INTS14: variants seen among roughly 807,000 people sequenced by gnomAD.
The protein encoded by INTS14 is UPF0464 protein C15orf44.
A neutral mutation model predicts 56.9 loss-of-function variants in INTS14; 27 were observed. The observed-to-expected ratio is 0.47, with a 90% confidence interval of 0.35 to 0.65. The LOEUF (loss-of-function observed/expected upper bound fraction) is 0.65. INTS14 is among the 30% of genes least tolerant of loss of function. The pLI is 0.00. For synonymous variants in INTS14, 207 were observed against 236.2 expected (o/e 0.88, Z 1.13); for missense variants, 517 against 632.2 (o/e 0.82, Z 1.95).
intron 7 of INTS14, 78 bp from the exon 8 acceptor site, chr15:65,593,650 TTC>T: frequency 6.6e-7 from 1 of 1,520,876 alleles, no homozygotes; most frequent in South Asian, 1.3e-5. Flanking sequence ...TCTTGGATGT[TTC>T]TAGCCTTTAA....
intron 11 of INTS14, 49 bp from the exon 12 acceptor site, chr15:65,579,708 A>G (rs369438392): frequency 8.9e-5 from 140 of 1,581,514 alleles, no homozygotes; most frequent in Middle Eastern, 5.0e-4. Flanking sequence ...TGTTCCTAAC[A>G]CATACTTTCT....
chr15:65,597,671 T>C (rs1400211502), intron 6 of INTS14, among the ~76,000 whole-genome samples: 1 of 152,170 alleles, frequency 6.6e-6, no homozygotes, highest in Non-Finnish European at 1.5e-5. Context: ...CAATAAGAAC[T>C]AGAGGAAGAC....
Position 65,579,602 on chromosome 15 carries a change from C to T in INTS14, c.1363G>A (p.Gly455Arg), listed in dbSNP as rs751792029. ...TCCCTTTCCAGCATGTCAGCCACCC[C>T]TTTCAGCAGGTCCAGGAAACCAAAG... ...LAFGFLDLLK[G>R]VADMLERECT... The change falls in exon 12 of 12, where the codon GGG (glycine) becomes AGG (arginine). Residue 455 changes from glycine to arginine, a missense_variant. Gly to Arg is a moderately radical substitution (Grantham distance 125, BLOSUM62 -2). Transcript: ENST00000313182. The T allele has an allele frequency of 6.2e-7, 1 of 1,614,192 alleles. No homozygotes were observed. Among genetic ancestry groups the T allele is most frequent in the Non-Finnish European group, 8.5e-7 (1 of 1,180,036 alleles).
At position 65,578,948 on chromosome 15, in the gene INTS14, A is replaced by AGTG. The variant is rs1283611966; in HGVS notation, c.*457_*459dup. ...AGTTCTAAGGAAAGTTCTGAAACTTAGTGGTGGTGTGTTTGTACTCAGCAA... is the reference window on the plus strand; with the variant it reads ...AGTTCTAAGGAAAGTTCTGAAACTTAGTGGTGGTGGTGTGTTTGTACTCAGCAA... On this transcript the variant is annotated 3_prime_UTR_variant, in exon 12 of 12. Transcript: ENST00000313182. 6.5e-6 allele frequency: 1 copy of AGTG among 153,416 alleles called. No homozygotes were observed. The highest frequency in any genetic ancestry group is 2.4e-5 in the African/African-American group (1 of 41,486). 9.5% of individuals were successfully genotyped at this position (153,416 alleles called of 1,614,324 possible).
chr15:65,604,470 C>A (rs2073567167), intron 3 of INTS14, among the ~76,000 whole-genome samples: 1 of 152,118 alleles, frequency 6.6e-6, no homozygotes, highest in African/African-American at 2.4e-5. Flanking sequence ...GTGGCTCACC[C>A]CTGTAATCCC....
chr15:65,599,835 A>T lies in INTS14; in HGVS notation c.425T>A (p.Phe142Tyr). Residue 142 changes from phenylalanine to tyrosine, a missense_variant, in exon 4 of 12, where the codon TTT (phenylalanine) becomes TAT (tyrosine). Phe to Tyr is a conservative substitution (Grantham distance 22). Transcript: ENST00000313182. ...AGATGGGAAAGGAAAAGGTAGTGGA[A>T]ACCTGTTGCTCTCACTTCGTTGATT... ...TQNQRSESNR[F>Y]PLPFPFPSKL... 6.2e-7 allele frequency: 1 copy of T among 1,614,230 alleles called. No individual in the cohort carries two copies. Among genetic ancestry groups the T allele is most frequent in the South Asian group, 1.1e-5 (1 of 91,090 alleles).
rs2073351215 is a variant in INTS14, at chr15:65,599,591, A to G, written c.486+183T>C. The stretch of plus-strand genomic sequence containing the variant: ...AGCTATGTTCCCCAGATGAGGCAAC[A>G]CTCTGAAATTTCAAAGAACATTTGA... On this transcript the variant is annotated intron_variant, in intron 4 of 11. Transcript: ENST00000313182. 8 of 622,190 alleles carry G rather than the reference A, an allele frequency of 1.3e-5. No homozygotes were observed. In the Admixed American group the frequency reaches 2.7e-4, roughly 21 times the overall value. The allele number at this position is 622,190 out of a possible 1,614,324, so 38.5% of individuals were successfully genotyped here.
intron 1 of INTS14, among the ~76,000 whole-genome samples, chr15:65,610,363 G>T (rs183328339): frequency 3.3e-5 from 5 of 151,600 alleles, no homozygotes; most frequent in African/African-American, 4.9e-5. Context: ...CGTCTTGGGT[G>T]GGGGGGAATC....
intron 4 of INTS14, 83 bp from the exon 5 acceptor site, chr15:65,599,073 C>A (rs188499073): frequency 5.8e-6 from 5 of 867,032 alleles, no homozygotes; most frequent in Admixed American, 5.1e-5. Context: ...AAAGCCATTA[C>A]GATAACATAG....
rs2072508581 is a variant in INTS14, at chr15:65,579,581, T to C, written c.1384A>G (p.Arg462Gly). 1 of 1,614,174 alleles carries C rather than the reference T, an allele frequency of 6.2e-7. No homozygotes were observed. The highest frequency in any genetic ancestry group is 8.5e-7 in the Non-Finnish European group (1 of 1,180,034). The change falls in exon 12 of 12, where the codon AGG becomes GGG. Residue 462 changes from arginine (R) to glycine (G), a missense_variant. Physicochemically the swap from Arg to Gly is moderately radical, Grantham distance 125. Transcript: ENST00000313182. ...GTCTCAGGCAGCAGTGTGCATTCCCTTTCCAGCATGTCAGCCACCCCTTTC... is the reference window on the plus strand; with the variant it reads ...GTCTCAGGCAGCAGTGTGCATTCCCCTTCCAGCATGTCAGCCACCCCTTTC... The part of the protein sequence containing the change: ...LLKGVADMLE[R>G]ECTLLPETAH...
At chr15:65,593,190 G>A (rs774623922) in intron 8 of INTS14, among the ~76,000 whole-genome samples, 2 of 151,994 alleles carry the variant, frequency 1.3e-5, no homozygotes, top group Non-Finnish European at 2.9e-5. Context: ...TTGAGCCTGG[G>A]AGGCTGAAGC....
chr15:65,596,957 GA>G (rs1434919821), intron 6 of INTS14, among the ~76,000 whole-genome samples: 2 of 152,194 alleles, frequency 1.3e-5, no homozygotes, highest in African/African-American at 4.8e-5. Flanking sequence ...TAAGCAGCTA[GA>G]TATTTTTCAT....
intron 6 of INTS14, among the ~76,000 whole-genome samples, chr15:65,598,045 T>C (rs756746288): frequency 6.6e-6 from 1 of 152,180 alleles, no homozygotes; most frequent in African/African-American, 2.4e-5. Flanking sequence ...TGCACGAAGC[T>C]GACACGAAGC....
At chr15:65,607,762 C>G (rs759921339) in intron 1 of INTS14, among the ~76,000 whole-genome samples, 14 of 152,264 alleles carry the variant, frequency 9.2e-5, no homozygotes, top group Non-Finnish European at 1.5e-4. Flanking sequence ...TCCCACATCT[C>G]CTAACACTTA....
Position 65,578,946 on chromosome 15 carries a change from TTAG to T in INTS14, c.*459_*461del, listed in dbSNP as rs1445399864. The stretch of plus-strand genomic sequence containing the variant: ...CAAGTTCTAAGGAAAGTTCTGAAAC[TTAG>T]TGGTGGTGTGTTTGTACTCAGCAAG... On this transcript the variant is annotated 3_prime_UTR_variant, in exon 12 of 12. Coordinates refer to ENST00000313182, the MANE Select transcript of INTS14 (RefSeq NM_001394796.1). 1 of 153,330 alleles carries T rather than the reference TTAG, an allele frequency of 6.5e-6. No individual in the cohort carries two copies. Among genetic ancestry groups the T allele is most frequent in the Non-Finnish European group, 1.5e-5 (1 of 68,928 alleles). 9.5% of individuals were successfully genotyped at this position (153,330 alleles called of 1,614,324 possible). A position where few individuals can be genotyped will look rare whatever the true frequency, so the allele number is the denominator to read the frequency against.
rs781740684 is a variant in INTS14 at position 65,598,907 on chromosome 15, G to A, written c.570C>T (p.Gly190=). The change falls in exon 5 of 12, where the codon GGC becomes GGT. Residue 190 remains glycine (G), a synonymous_variant. Coordinates refer to ENST00000313182, the MANE Select transcript of INTS14 (RefSeq NM_001394796.1). ...ACTGTACATTCTTCAAGCACAGGGG[G>A]CCATCAATAGTAAAAATCTGCCCTT... ...NGEGQIFTID[G]PLCLKNVQSM... is the part of the protein sequence containing the mutation. The A allele has an allele frequency of 2.7e-5, 44 of 1,613,740 alleles. No individual in the cohort carries two copies. In the South Asian group the frequency reaches 4.3e-4, roughly 16 times the overall value.
chr15:65,589,192 G>A (rs1224978760), intron 9 of INTS14, among the ~76,000 whole-genome samples: 1 of 152,262 alleles, frequency 6.6e-6, no homozygotes, highest in East Asian at 1.9e-4. Context: ...TTTTCTGTGA[G>A]GGCCAGACAG....
At chr15:65,610,897 G>C (rs2073904544) in intron 1 of INTS14, 2 of 1,478,810 alleles carry the variant, frequency 1.4e-6, no homozygotes, top group Non-Finnish European at 1.8e-6. Context: ...TTTACGCGGA[G>C]CTGGGGACCC....
intron 10 of INTS14, among the ~76,000 whole-genome samples, chr15:65,583,114 G>A (rs2072686837): frequency 1.3e-5 from 2 of 152,314 alleles, no homozygotes; most frequent in South Asian, 4.1e-4. Context: ...TGTGGCTGCT[G>A]TGAGAGAGTG....
Sources: allele counts gnomAD v4.1 joint callset (sites outside exome capture counted in the v4.1 genomes callset), GRCh38; gene constraint gnomAD v4.1.1; transcripts MANE v1.5; gene names NCBI Gene and HGNC (gene_info 2026-07-23, HGNC 2026-07-21).